The following LYN variants were observed in gnomAD, a reference collection of about 807,000 sequenced individuals.
LYN encodes LYN proto-oncogene, Src family tyrosine kinase.
Under a neutral mutation model 65.0 loss-of-function variants are expected in LYN, and 12 were observed. The ratio of observed to expected loss-of-function variants is 0.18; its 90% CI spans 0.12 to 0.30. LYN has a LOEUF of 0.30. Ranked by LOEUF, LYN falls within the 10% of genes least tolerant of loss-of-function variation. The pLI, the probability that LYN is intolerant of heterozygous loss-of-function variation, is 1.00. For synonymous variants in LYN, 222 were observed against 221.2 expected (o/e 1.00, Z -0.03); for missense variants, 380 against 623.2 (o/e 0.61, Z 4.16).
rs34706733 is a variant in LYN, at chr8:55,890,117, CAAAAAAAAAA to C, written c.-6+10026_-6+10035del. Among the ~76,000 whole-genome samples, 16 of 79,092 alleles carry C rather than the reference CAAAAAAAAAA, an allele frequency of 2.0e-4. No individual in the cohort carries two copies. In the East Asian group the frequency reaches 5.1e-3, roughly 25 times the overall value. The allele number at this position is 79,092 out of a possible 152,430, so 51.9% of individuals were successfully genotyped here. A position where few individuals can be genotyped will look rare whatever the true frequency, so the allele number is the denominator to read the frequency against. On this transcript the variant is annotated intron_variant, in intron 1 of 12. Coordinates refer to ENST00000519728, the MANE Select transcript of LYN (RefSeq NM_002350.4). ...TAAAGTGAGAACCTGCCTCTATAGACAAAAAAAAAAAAAAAAAAAAAGAATAAATAAAAAC... is the reference window on the plus strand; with the variant it reads ...TAAAGTGAGAACCTGCCTCTATAGACAAAAAAAAAAAGAATAAATAAAAAC...
At chr8:55,998,207 C>A in intron 10 of LYN, 139 bp from the exon 11 acceptor site, 1 of 568,998 alleles carries the variant, frequency 1.8e-6, no homozygotes, top group Non-Finnish European at 3.1e-6. Flanking sequence ...TGCCATTACC[C>A]ACTGTCTTTA....
At chr8:55,912,836 GTAT>G (rs1385402157) in intron 1 of LYN, among the ~76,000 whole-genome samples, 2 of 151,866 alleles carry the variant, frequency 1.3e-5, no homozygotes, top group Non-Finnish European at 2.9e-5. Flanking sequence ...TTAAAAATAT[GTAT>G]TCTTTTAATG....
chr8:56,010,148 C>G lies in LYN; in HGVS notation c.*38C>G. On this transcript the variant is annotated 3_prime_UTR_variant, in exon 13 of 13. Transcript: ENST00000519728. ...CCCGTCCATTTGGCAGGGGTGGCTG[C>G]CTCATTTAGAGAGGAAAAGTAACCA... 1 of 1,602,300 alleles carries G rather than the reference C, an allele frequency of 6.2e-7. No homozygotes were observed. The highest frequency in any genetic ancestry group is 8.5e-7 in the Non-Finnish European group (1 of 1,169,980).
rs562635826 is a variant in LYN, at chr8:55,879,945, AC to A, written c.-159del. 289 of 204,418 alleles carry A rather than the reference AC, an allele frequency of 1.4e-3. No individual in the cohort carries two copies. The highest frequency in any genetic ancestry group is 6.5e-3 in the African/African-American group (270 of 41,424). The allele number at this position is 204,418 out of a possible 1,614,324, so 12.7% of individuals were successfully genotyped here. A position where few individuals can be genotyped will look rare whatever the true frequency, so the allele number is the denominator to read the frequency against. On this transcript the variant is annotated 5_prime_UTR_variant, in exon 1 of 13. Transcript: ENST00000519728. ...CCGCGGCAAGCGGGGCGGCCGCGCC[AC>A]CCCCGGCCCCGCGCCAGCAGCCCCT...
chr8:55,892,797 G>T (rs1441883041), intron 1 of LYN, among the ~76,000 whole-genome samples: 1 of 152,174 alleles, frequency 6.6e-6, no homozygotes, highest in Non-Finnish European at 1.5e-5. Context: ...GTGTGTGTAT[G>T]TGTGTGTATG....
chr8:55,982,564 G>A (rs960963323), intron 10 of LYN, among the ~76,000 whole-genome samples: 1 of 151,980 alleles, frequency 6.6e-6, no homozygotes, highest in Non-Finnish European at 1.5e-5. Context: ...TGGAGTCCAC[G>A]CCATCAGACT....
Position 55,984,846 on chromosome 8 carries a change from C to T in LYN, c.1051-13500C>T, listed in dbSNP as rs191660344. 9.3e-4 allele frequency among the ~76,000 whole-genome samples: 142 copies of T among 152,336 alleles called. 3 individuals carry two copies. In the East Asian group the frequency reaches 0.022, roughly 24 times the overall value. On this transcript the variant is annotated intron_variant, in intron 10 of 12. Transcript: ENST00000519728. Reference sequence around the variant, plus strand: ...GTGTGTCAGTCATGATGTAGATTTGCTTTCAGAAGTTACTCCTTTTCATAC... The same window carrying T: ...GTGTGTCAGTCATGATGTAGATTTGTTTTCAGAAGTTACTCCTTTTCATAC...
rs114641977 is a variant in LYN, at chr8:55,885,838, G to A, written c.-6+5735G>A. On this transcript the variant is annotated intron_variant, in intron 1 of 12. Transcript: ENST00000519728. Reference sequence around the variant, plus strand: ...AGGAAGTGATACTTCCTCCACCCCAGGCCCCTGGGTCATTTGCCTGCAGCC... The same window carrying A: ...AGGAAGTGATACTTCCTCCACCCCAAGCCCCTGGGTCATTTGCCTGCAGCC... 4.9e-3 allele frequency among the ~76,000 whole-genome samples: 739 copies of A among 152,270 alleles called. 8 individuals are homozygous for A. The highest frequency in any genetic ancestry group is 0.017 in the African/African-American group (703 of 41,528).
chr8:55,898,297 AT>A (rs1404593583), intron 1 of LYN, among the ~76,000 whole-genome samples: 1 of 151,810 alleles, frequency 6.6e-6, no homozygotes, highest in African/African-American at 2.4e-5. Flanking sequence ...TTTACTTTTA[AT>A]TTTGTTTTGA....
Position 55,908,938 on chromosome 8 carries a change from A to G in LYN, c.-6+28835A>G, listed in dbSNP as rs373427102. ...AATTTTATTCTTTTTTATGGCTGCA[A>G]AATACATAATTTTATTCTTTTTTGT... is the stretch of plus-strand genomic sequence containing the variant. On this transcript the variant is annotated intron_variant, in intron 1 of 12. Coordinates refer to ENST00000519728, the MANE Select transcript of LYN (RefSeq NM_002350.4). Among the ~76,000 whole-genome samples the G allele has an allele frequency of 1.8e-4, 26 of 147,332 alleles. No individual in the cohort carries two copies. The East Asian group carries it at 4.3e-3, about 24-fold the overall frequency.
At chr8:55,961,643 G>A (rs1002742345) in intron 8 of LYN, among the ~76,000 whole-genome samples, 2 of 151,352 alleles carry the variant, frequency 1.3e-5, no homozygotes, top group African/African-American at 2.4e-5. Context: ...TTTTTCCTTC[G>A]TCCTTTACTC....
chr8:55,880,126 G>A (rs167999), intron 1 of LYN, 23 bp downstream of exon 1: 205,118 of 247,606 alleles, frequency 0.83, 85,363 homozygotes, highest in African/African-American at 0.91. Context: ...CGCGAGCCCA[G>A]GGGTGGGCGC....
intron 10 of LYN, among the ~76,000 whole-genome samples, chr8:55,983,311 A>C (rs1375477749): frequency 3.9e-5 from 6 of 152,132 alleles, no homozygotes; most frequent in Non-Finnish European, 7.3e-5. Context: ...GCCAGCCAAG[A>C]GCCCTGACAT....
chr8:55,954,835 AAAAT>A (rs113354539), intron 8 of LYN, among the ~76,000 whole-genome samples: 31,521 of 148,604 alleles, frequency 0.21, 3,891 homozygotes, highest in Non-Finnish European at 0.28. Flanking sequence ...ACCCTGCCTC[AAAAT>A]AAATAAATAA....
chr8:56,006,622 G>A (rs1777541106), intron 12 of LYN, among the ~76,000 whole-genome samples: 1 of 152,198 alleles, frequency 6.6e-6, no homozygotes, highest in Non-Finnish European at 1.5e-5. Context: ...TCCTGACTGG[G>A]CTGTGTGCCA....
chr8:55,904,738 G>A (rs530790984), intron 1 of LYN, among the ~76,000 whole-genome samples: 1 of 152,172 alleles, frequency 6.6e-6, no homozygotes, highest in Non-Finnish European at 1.5e-5. Context: ...AACAGAGCGA[G>A]ACTCCATCTC....
At chr8:55,955,807 G>C (rs1585636602) in intron 8 of LYN, among the ~76,000 whole-genome samples, 1 of 152,108 alleles carries the variant, frequency 6.6e-6, no homozygotes, top group African/African-American at 2.4e-5. Context: ...ATTTCACCTA[G>C]CATAATGTTT....
intron 1 of LYN, among the ~76,000 whole-genome samples, chr8:55,903,191 C>T (rs576675402): frequency 3.5e-4 from 53 of 152,192 alleles, no homozygotes; most frequent in Non-Finnish European, 7.1e-4. Flanking sequence ...CGGGATTTCA[C>T]CATGTTGGCC....
intron 9 of LYN, among the ~76,000 whole-genome samples, chr8:55,969,117 C>CA (rs1445264044): frequency 4.6e-5 from 7 of 151,784 alleles, no homozygotes; most frequent in Admixed American, 2.6e-4. Context: ...CCTATCTCTA[C>CA]AAAAAAAAGA....
Sources: gnomAD v4.1 joint callset for allele counts (sites outside exome capture counted in the v4.1 genomes callset) on GRCh38, gnomAD v4.1.1 for gene constraint, MANE v1.5 for transcripts, NCBI Gene and HGNC (gene_info 2026-07-23, HGNC 2026-07-21) for gene names.